The following CD109 variants were observed in gnomAD, a reference collection of about 807,000 sequenced individuals.
CD109 encodes the protein CD109 molecule.
A neutral mutation model predicts 165.8 loss-of-function variants in CD109; 149 were observed. That is an observed-to-expected ratio of 0.90 (90% CI 0.79 to 1.03). The LOEUF is 1.03. CD109 is among the 50% of genes least tolerant of loss of function. The probability of loss-of-function intolerance (pLI) is 0.00; values close to 1 mark genes in which losing one functional copy is unlikely to be tolerated. For synonymous variants in CD109, 585 were observed against 592.1 expected (o/e 0.99, Z 0.18); for missense variants, 1,712 against 1,677.8 (o/e 1.02, Z -0.36).
intron 4 of CD109, among the ~76,000 whole-genome samples, chr6:73,733,398 G>A (rs1354631987): frequency 1.3e-5 from 2 of 152,176 alleles, no homozygotes; most frequent in African/African-American, 4.8e-5. Flanking sequence ...TTGTTCTTGG[G>A]GACTGCAGGC....
chr6:73,791,194 T>C (rs959810113), intron 22 of CD109, among the ~76,000 whole-genome samples: 125 of 7,752 alleles, frequency 0.016, no homozygotes, highest in Admixed American at 0.027. Context: ...CACACATACA[T>C]ATATATATAT....
At chr6:73,773,928 C>A (rs1774143079) in intron 15 of CD109, among the ~76,000 whole-genome samples, 1 of 151,890 alleles carries the variant, frequency 6.6e-6, no homozygotes, top group South Asian at 2.1e-4. Context: ...TTTATGTTTT[C>A]TATCTCTTTG....
intron 22 of CD109, among the ~76,000 whole-genome samples, chr6:73,789,804 A>G (rs1233944750): frequency 1.5e-5 from 2 of 131,360 alleles, no homozygotes; most frequent in Non-Finnish European, 3.1e-5. Flanking sequence ...TCTGTCTCCC[A>G]GGCTAGAGTG....
chr6:73,740,568 G>T (rs1772732735), intron 5 of CD109, among the ~76,000 whole-genome samples: 1 of 148,306 alleles, frequency 6.7e-6, no homozygotes, highest in South Asian at 2.1e-4. Context: ...AATTATTTTG[G>T]TCTAGTATGA....
At chr6:73,732,865 G>C (rs558388732) in intron 4 of CD109, among the ~76,000 whole-genome samples, 2 of 152,272 alleles carry the variant, frequency 1.3e-5, no homozygotes, top group African/African-American at 4.8e-5. Flanking sequence ...TTCTGGAAAG[G>C]GCTCAGAGAG....
intron 7 of CD109, among the ~76,000 whole-genome samples, chr6:73,760,612 A>C (rs1174578963): frequency 2.0e-5 from 3 of 151,936 alleles, no homozygotes; most frequent in Non-Finnish European, 4.4e-5. Context: ...TTGGGGGGCC[A>C]AACTGGGTGG....
chr6:73,754,292 A>G (rs1015409414), intron 5 of CD109, among the ~76,000 whole-genome samples: 1 of 152,192 alleles, frequency 6.6e-6, no homozygotes, highest in Non-Finnish European at 1.5e-5. Flanking sequence ...AAGAGTGGGA[A>G]GAGGGCTCAG....
chr6:73,754,364 C>A (rs1773305401), intron 5 of CD109, among the ~76,000 whole-genome samples: 2 of 152,050 alleles, frequency 1.3e-5, no homozygotes, highest in Non-Finnish European at 2.9e-5. Flanking sequence ...AGGAAGGGGT[C>A]AGAGAGATAA....
intron 2 of CD109, among the ~76,000 whole-genome samples, chr6:73,716,859 A>G (rs982139513): frequency 1.3e-5 from 2 of 152,190 alleles, no homozygotes; most frequent in Non-Finnish European, 2.9e-5. Flanking sequence ...TGCCCAGTTC[A>G]GTGTCCTGGA....
chr6:73,785,368 A>G lies in CD109; in HGVS notation c.2228A>G (p.Gln743Arg), dbSNP rs1219458135. The change falls in exon 20 of 33, where the codon CAA becomes CGA. Residue 743 changes from glutamine to arginine, a missense_variant. Transcript: ENST00000287097. ...LGLTTTPVELQAFQPFFIFLN... is the reference protein window; with the variant it reads ...LGLTTTPVELRAFQPFFIFLN... ...TACTCGTTGTGTTCTTTCCAGCTCC[A>G]AGCCTTCCAACCATTTTTCATTTTT... 8 of 1,582,272 alleles carry G rather than the reference A, an allele frequency of 5.1e-6. No individual in the cohort carries two copies. In the East Asian group the frequency reaches 1.8e-4, roughly 36 times the overall value.
chr6:73,814,892 A>G (rs939480564), intron 29 of CD109, 89 bp from the exon 30 acceptor site: 2 of 878,608 alleles, frequency 2.3e-6, no homozygotes, highest in African/African-American at 3.5e-5. Flanking sequence ...GTCCATCCAA[A>G]GAGAATCATT....
At chr6:73,762,224 G>A (rs1217453693) in intron 7 of CD109, among the ~76,000 whole-genome samples, 160 bp from the exon 8 acceptor site, 1 of 152,244 alleles carries the variant, frequency 6.6e-6, no homozygotes, top group African/African-American at 2.4e-5. Flanking sequence ...GCCTCCCAAA[G>A]TGCTGGGATT....
chr6:73,804,335 G>C (rs1365061822), intron 24 of CD109, among the ~76,000 whole-genome samples: 1 of 152,212 alleles, frequency 6.6e-6, no homozygotes, highest in Non-Finnish European at 1.5e-5. Flanking sequence ...TGTATTGCTT[G>C]ATGTTCTTTT....
At chr6:73,763,049 AG>A (rs915616997) in intron 9 of CD109, among the ~76,000 whole-genome samples, 167 bp downstream of exon 9, 3 of 152,224 alleles carry the variant, frequency 2.0e-5, no homozygotes, top group East Asian at 3.8e-4. Context: ...TGATTTTATA[AG>A]GGGGACCTTA....
intron 1 of CD109, 54 bp from the exon 2 acceptor site, chr6:73,697,346 A>G: frequency 6.5e-7 from 1 of 1,541,038 alleles, no homozygotes. Flanking sequence ...GTCACAAAAG[A>G]AAGGAGATGT....
chr6:73,758,277 C>G (rs1398338541), intron 6 of CD109, among the ~76,000 whole-genome samples: 1 of 151,864 alleles, frequency 6.6e-6, no homozygotes, highest in Non-Finnish European at 1.5e-5. Flanking sequence ...GGTCAGAGAA[C>G]TATAGAAAAA....
At position 73,783,748 on chromosome 6, in the gene CD109, C is replaced by G; in HGVS notation, c.2147C>G (p.Ser716Cys). 1.2e-6 allele frequency: 2 copies of G among 1,613,022 alleles called. No homozygotes were observed. Among genetic ancestry groups the G allele is most frequent in the Non-Finnish European group, 1.7e-6 (2 of 1,179,188 alleles). ...GAATTTGAAGTAACTGTACCTGATT[C>G]TATCACTTCTTGGGTGGCTACTGGT... is the stretch of plus-strand genomic sequence containing the variant. ...YQEFEVTVPD[S>C]ITSWVATGFV... The change falls in exon 19 of 33, where the codon TCT (serine) becomes TGT (cysteine). Residue 716 changes from serine (S) to cysteine (C), a missense_variant. Physicochemically the swap from Ser to Cys is moderately radical, Grantham distance 112. Transcript: ENST00000287097.
upstream of CD109, among the ~76,000 whole-genome samples, chr6:73,692,573 A>C (rs1281268737): frequency 6.6e-6 from 1 of 152,162 alleles, no homozygotes; most frequent in Non-Finnish European, 1.5e-5. Context: ...TTATAAAAAT[A>C]AAATGAAATT....
intron 5 of CD109, among the ~76,000 whole-genome samples, chr6:73,739,725 G>A (rs1395643975): frequency 3.9e-5 from 6 of 152,032 alleles, no homozygotes; most frequent in Non-Finnish European, 8.8e-5. Flanking sequence ...GCGGGCGCCT[G>A]TAGTCCCAGC....
Sources: gnomAD v4.1 joint callset for allele counts (sites outside exome capture counted in the v4.1 genomes callset) on GRCh38, gnomAD v4.1.1 for gene constraint, MANE v1.5 for transcripts, NCBI Gene and HGNC (gene_info 2026-07-23, HGNC 2026-07-21) for gene names.